Variants in CADM2 observed in about 807,000 individuals in gnomAD.
CADM2 encodes the protein cell adhesion molecule 2.
Under a neutral mutation model 49.8 loss-of-function variants are expected in CADM2, and 12 were observed. That is an observed-to-expected ratio of 0.24 (90% confidence interval 0.15 to 0.39). CADM2 has a LOEUF of 0.39. CADM2 is among the 10% of genes least tolerant of loss of function. The probability of loss-of-function intolerance (pLI) is 1.00; values close to 1 mark genes in which losing one functional copy is unlikely to be tolerated. For missense variants in CADM2, 378 were observed against 492.3 expected, an observed-to-expected ratio of 0.77 and a Z score of 2.20; for synonymous variants, 214 against 175.4, an observed-to-expected ratio of 1.22 and a Z score of -1.74.
intron 1 of CADM2, among the ~76,000 whole-genome samples, chr3:85,123,663 C>T (rs1186086564): frequency 3.3e-5 from 5 of 151,934 alleles, no homozygotes; most frequent in African/African-American, 1.2e-4. Context: ...TATCAGGAGG[C>T]AAATTGTTTA....
intron 2 of CADM2, among the ~76,000 whole-genome samples, chr3:85,736,846 C>T (rs1164808789): frequency 2.0e-5 from 3 of 152,022 alleles, no homozygotes; most frequent in Non-Finnish European, 4.4e-5. Flanking sequence ...GGTGAATTGC[C>T]TGGAAACTTA....
chr3:85,544,308 G>T (rs1341698425), intron 1 of CADM2, among the ~76,000 whole-genome samples: 1 of 152,176 alleles, frequency 6.6e-6, no homozygotes, highest in Non-Finnish European at 1.5e-5. Context: ...GCCGGGCGCG[G>T]TTGCTCACGC....
chr3:85,586,591 G>A (rs2062952845), intron 1 of CADM2, among the ~76,000 whole-genome samples: 1 of 151,974 alleles, frequency 6.6e-6, no homozygotes, highest in Admixed American at 6.6e-5. Flanking sequence ...TTTATCTTGG[G>A]AGCCCAAATA....
intron 8 of CADM2, among the ~76,000 whole-genome samples, chr3:85,990,704 T>C (rs1365864755): frequency 6.6e-6 from 1 of 152,150 alleles, no homozygotes; most frequent in Non-Finnish European, 1.5e-5. Context: ...AAATTACCCA[T>C]CCAAAAAACA....
intron 7 of CADM2, among the ~76,000 whole-genome samples, chr3:85,959,206 G>A (rs1422024177): frequency 6.7e-6 from 1 of 150,118 alleles, no homozygotes; most frequent in African/African-American, 2.5e-5. Context: ...ACAGCGAGAT[G>A]AGGAGATGGA....
intron 1 of CADM2, among the ~76,000 whole-genome samples, chr3:85,321,107 TATATATATA>T (rs1248756896): frequency 1.6e-4 from 6 of 38,356 alleles, no homozygotes; most frequent in African/African-American, 4.5e-4. Context: ...TATATATATA[TATATATATA>T]TTTTTTTTTT....
intron 1 of CADM2, among the ~76,000 whole-genome samples, chr3:85,355,095 G>C (rs2031744493): frequency 6.6e-6 from 1 of 152,054 alleles, no homozygotes; most frequent in African/African-American, 2.4e-5. Flanking sequence ...CCCTCATTGT[G>C]CACACTCTGT....
intron 2 of CADM2, among the ~76,000 whole-genome samples, chr3:85,767,282 A>C (rs1238617767): frequency 6.6e-6 from 1 of 152,174 alleles, no homozygotes; most frequent in Non-Finnish European, 1.5e-5. Flanking sequence ...ATAAGCCAGA[A>C]GGATACTGCT....
chr3:85,592,459 G>GA (rs998194483), intron 1 of CADM2, among the ~76,000 whole-genome samples: 1 of 151,796 alleles, frequency 6.6e-6, no homozygotes, highest in Non-Finnish European at 1.5e-5. Context: ...CGAATAGAAG[G>GA]AAAAAAATTA....
chr3:85,150,940 A>T (rs1186812132), intron 1 of CADM2, among the ~76,000 whole-genome samples: 1 of 149,286 alleles, frequency 6.7e-6, no homozygotes, highest in South Asian at 2.1e-4. Context: ...AATAATAATA[A>T]TAATAATAAT....
intron 8 of CADM2, among the ~76,000 whole-genome samples, chr3:85,996,187 A>G (rs900426504): frequency 2.0e-5 from 3 of 151,138 alleles, no homozygotes; most frequent in Non-Finnish European, 4.4e-5. Flanking sequence ...AAATTTGAAG[A>G]TTTATATTAT....
At chr3:85,555,971 T>G (rs2061947142) in intron 1 of CADM2, among the ~76,000 whole-genome samples, 1 of 152,090 alleles carries the variant, frequency 6.6e-6, no homozygotes, top group Non-Finnish European at 1.5e-5. Flanking sequence ...ATACATAACA[T>G]ATATATGATT....
chr3:85,075,085 T>C (rs1055958979), intron 1 of CADM2, among the ~76,000 whole-genome samples: 5 of 152,074 alleles, frequency 3.3e-5, no homozygotes, highest in African/African-American at 9.7e-5. Context: ...AAAGAACAAA[T>C]ACTTGAGAAG....
At chr3:85,416,501 G>A (rs2035926724) in intron 1 of CADM2, among the ~76,000 whole-genome samples, 1 of 152,064 alleles carries the variant, frequency 6.6e-6, no homozygotes, top group African/African-American at 2.4e-5. Flanking sequence ...AACAGAAAAG[G>A]GCTTTTGAAC....
intron 1 of CADM2, among the ~76,000 whole-genome samples, chr3:85,320,538 G>A (rs528034075): frequency 6.6e-5 from 10 of 152,064 alleles, no homozygotes; most frequent in African/African-American, 2.2e-4. Flanking sequence ...TTTGGTTCAC[G>A]GAGACAATCT....
intron 1 of CADM2, among the ~76,000 whole-genome samples, chr3:85,603,118 T>G (rs1157250245): frequency 6.6e-6 from 1 of 151,868 alleles, no homozygotes; most frequent in African/African-American, 2.4e-5. Flanking sequence ...AGAACAGCAT[T>G]TTATTCATGT....
At chr3:85,099,750 A>G (rs13063356) in intron 1 of CADM2, among the ~76,000 whole-genome samples, 89,484 of 151,902 alleles carry the variant, frequency 0.59, 27,206 homozygotes, top group Middle Eastern at 0.65. Context: ...GATTACAGGC[A>G]TGAGCCACCG....
intron 2 of CADM2, among the ~76,000 whole-genome samples, chr3:85,769,429 A>G (rs565355452): frequency 9.7e-6 from 1 of 103,356 alleles, no homozygotes; most frequent in African/African-American, 3.8e-5. Context: ...ATATATACAT[A>G]TATAGTATAT....
intron 1 of CADM2, among the ~76,000 whole-genome samples, chr3:85,552,323 A>G (rs2061825581): frequency 6.6e-6 from 1 of 151,368 alleles, no homozygotes; most frequent in African/African-American, 2.4e-5. Flanking sequence ...TTTATTAAAT[A>G]GCAGAATCCA....
Sources: gnomAD v4.1 joint callset for allele counts (sites outside exome capture counted in the v4.1 genomes callset) on GRCh38, gnomAD v4.1.1 for gene constraint, MANE v1.5 for transcripts, NCBI Gene and HGNC (gene_info 2026-07-23, HGNC 2026-07-21) for gene names.